SORD: variants seen among roughly 807,000 people sequenced by gnomAD.
SORD encodes sorbitol dehydrogenase, also known as (R,R)-butanediol dehydrogenase.
Under a neutral mutation model 35.6 loss-of-function variants are expected in SORD, and 18 were observed. That is an observed-to-expected ratio of 0.51 (90% CI 0.35 to 0.75). SORD has a LOEUF of 0.75. Among genes scored for constraint, SORD ranks in the 30% least tolerant of loss-of-function variants. The pLI is 0.01. For missense variants in SORD, 250 were observed against 390.2 expected (o/e 0.64, Z 3.03); for synonymous variants, 106 against 152.9 (o/e 0.69, Z 2.26).
chr15:45,050,992 A>C (rs1437180154), intron 3 of SORD, among the ~76,000 whole-genome samples: 1 of 152,214 alleles, frequency 6.6e-6, no homozygotes, highest in African/African-American at 2.4e-5. Context: ...TCAGTTCTTC[A>C]TGAGTCCTAT....
rs576401172 is a variant in SORD at position 45,032,427 on chromosome 15, C to T, written c.67-7981C>T. Among the ~76,000 whole-genome samples, 61 of 152,086 alleles carry T rather than the reference C, an allele frequency of 4.0e-4. 1 individual carries two copies. Among genetic ancestry groups the T allele is most frequent in the African/African-American group, 1.4e-3 (60 of 41,502 alleles). On this transcript the variant is annotated intron_variant, in intron 1 of 8. Coordinates refer to ENST00000267814, the MANE Select transcript of SORD (RefSeq NM_003104.6). ...AGCCCTACCTGGATGTCCCAAGACA[C>T]CTCAGTCCCAGCATGTCCAAACCTA...
In SORD at chr15:45,061,064, C is replaced by T. The variant is rs1300475158; in HGVS notation, c.266-3C>T. The T allele has an allele frequency of 6.2e-7, 1 of 1,614,116 alleles. No individual in the cohort carries two copies. The highest frequency in any genetic ancestry group is 2.2e-5 in the East Asian group (1 of 44,884). On this transcript the variant is annotated splice_region_variant and splice_polypyrimidine_tract_variant and intron_variant, in intron 3 of 8. Coordinates refer to ENST00000267814, the MANE Select transcript of SORD (RefSeq NM_003104.6). Reference sequence around the variant, plus strand: ...ATGGTGCCATCTTTGTTTTCCTCTCCAGGTGATCGTGTTGCCATCGAGCCT... The same window carrying T: ...ATGGTGCCATCTTTGTTTTCCTCTCTAGGTGATCGTGTTGCCATCGAGCCT...
intron 1 of SORD, among the ~76,000 whole-genome samples, chr15:45,038,132 C>CTTCCTTCT (rs1310051176): frequency 2.4e-5 from 1 of 42,270 alleles, no homozygotes; most frequent in African/African-American, 3.3e-4. Flanking sequence ...TCCTCCCTTC[C>CTTCCTTCT]TTCCTTCCTT....
chr15:45,061,555 C>A (rs1246689716), intron 4 of SORD, among the ~76,000 whole-genome samples: 1 of 152,068 alleles, frequency 6.6e-6, no homozygotes, highest in Non-Finnish European at 1.5e-5. Flanking sequence ...TCCACTGCAA[C>A]CACCAGAAAC....
chr15:45,053,653 TA>T lies in SORD; in HGVS notation c.266-7413del, dbSNP rs1893165326. 2.6e-5 allele frequency among the ~76,000 whole-genome samples: 4 copies of T among 152,136 alleles called. No homozygotes were observed. The South Asian group carries it at 8.3e-4, about 32-fold the overall frequency. On this transcript the variant is annotated intron_variant, in intron 3 of 8. Coordinates refer to ENST00000267814, the MANE Select transcript of SORD (RefSeq NM_003104.6). ...CTTTAAATTTTTTATTTTATTTTATTATTATTATACTTTAAGTTTTAGGGTA... is the reference window on the plus strand; with the variant it reads ...CTTTAAATTTTTTATTTTATTTTATTTTATTATACTTTAAGTTTTAGGGTA...
At chr15:45,029,246 A>G (rs1045282671) in intron 1 of SORD, among the ~76,000 whole-genome samples, 1 of 152,284 alleles carries the variant, frequency 6.6e-6, no homozygotes, top group Non-Finnish European at 1.5e-5. Context: ...TAAATCCAGT[A>G]AACACTCCCA....
Position 45,074,489 on chromosome 15 carries a change from G to C in SORD, c.*959G>C, listed in dbSNP as rs570717042. 1 of 148,088 alleles carries C rather than the reference G, an allele frequency of 6.8e-6. No homozygotes were observed. Among genetic ancestry groups the C allele is most frequent in the Non-Finnish European group, 1.5e-5 (1 of 67,726 alleles). The allele number at this position is 148,088 out of a possible 1,614,324, so 9.2% of individuals were successfully genotyped here. On this transcript the variant is annotated 3_prime_UTR_variant, in exon 9 of 9. Transcript: ENST00000267814. ...TTATTAGACAATTCCATTTCTTTCT[G>C]GTTATTATAAACAGAAAATCTTTCC...
chr15:45,036,415 G>C (rs1209311750), intron 1 of SORD: 1 of 453,406 alleles, frequency 2.2e-6, no homozygotes, highest in Non-Finnish European at 4.4e-6. Context: ...AATTCGGCCA[G>C]GCACAGTGGC....
In SORD at chr15:45,067,398, A is replaced by G. The variant is rs190117655; in HGVS notation, c.545-783A>G. Among the ~76,000 whole-genome samples, 8 of 152,304 alleles carry G rather than the reference A, an allele frequency of 5.3e-5. No individual in the cohort carries two copies. In the East Asian group the frequency reaches 1.5e-3, roughly 29 times the overall value. ...TGAACATTTTTCCATGTCAATAGAT[A>G]AAGAGTTATGGCGTAATTTTTAGTA... On this transcript the variant is annotated intron_variant, in intron 5 of 8. Transcript: ENST00000267814.
At chr15:45,030,218 A>G (rs1892753525) in intron 1 of SORD, among the ~76,000 whole-genome samples, 1 of 152,242 alleles carries the variant, frequency 6.6e-6, no homozygotes, top group African/African-American at 2.4e-5. Flanking sequence ...TCCTTTTGCT[A>G]TCAAAAGCAG....
chr15:45,039,946 T>A (rs1484998398), intron 1 of SORD, among the ~76,000 whole-genome samples: 1 of 152,118 alleles, frequency 6.6e-6, no homozygotes, highest in Non-Finnish European at 1.5e-5. Context: ...CTGCCTAGAG[T>A]TACATGGACT....
At chr15:45,066,313 AT>A (rs904929773) in intron 5 of SORD, among the ~76,000 whole-genome samples, 141 of 148,006 alleles carry the variant, frequency 9.5e-4, no homozygotes, top group African/African-American at 2.8e-3. Flanking sequence ...AACTAGGGAA[AT>A]TTTTTTTTTT....
In SORD at chr15:45,061,011, C is replaced by T. The variant is rs2467846; in HGVS notation, c.266-56C>T. 8.0e-5 allele frequency: 128 copies of T among 1,607,030 alleles called. No homozygotes were observed. The East Asian group carries it at 8.3e-4, about 10-fold the overall frequency. ...GAAAACAAAGAACCAGACCAAAGAG[C>T]GGGCAGACTCTGCTCCCACCCTCGG... is the stretch of plus-strand genomic sequence containing the variant. On this transcript the variant is annotated intron_variant, in intron 3 of 8. Transcript: ENST00000267814.
At chr15:45,050,830 AAGCTGTAGAT>A (rs1347536643) in intron 3 of SORD, among the ~76,000 whole-genome samples, 2 of 152,246 alleles carry the variant, frequency 1.3e-5, no homozygotes, top group South Asian at 4.1e-4. Context: ...GAATTGTTAA[AAGCTGTAGAT>A]AGCTCAAAAG....
intron 1 of SORD, among the ~76,000 whole-genome samples, chr15:45,039,343 G>T (rs1471203082): frequency 6.6e-6 from 1 of 152,178 alleles, no homozygotes; most frequent in African/African-American, 2.4e-5. Flanking sequence ...GGCCAGGCTG[G>T]TCTCAAACTC....
chr15:45,027,386 C>G (rs987639995), intron 1 of SORD, among the ~76,000 whole-genome samples: 7 of 152,226 alleles, frequency 4.6e-5, no homozygotes, highest in Admixed American at 2.6e-4. Flanking sequence ...TCAACTTCCC[C>G]GTGAAATGGG....
At position 45,068,236 on chromosome 15, in the gene SORD, A is replaced by T. The variant is rs1595509056; in HGVS notation, c.600A>T (p.Val200=). The change falls in exon 6 of 9, where the codon GTA becomes GTT. Residue 200 remains valine (V), a synonymous_variant. Transcript: ENST00000267814. The part of the protein sequence containing the change: ...LVAKAMGAAQ[V]VVTDLSATRL... ...CCAAAGCAATGGGAGCAGCTCAAGT[A>T]GTGGTGACTGGTAAGACTTTGTTCT... 6.2e-7 allele frequency: 1 copy of T among 1,612,638 alleles called. No individual in the cohort carries two copies. Among genetic ancestry groups the T allele is most frequent in the Non-Finnish European group, 8.5e-7 (1 of 1,178,634 alleles).
At chr15:45,066,571 T>C (rs1893408304) in intron 5 of SORD, among the ~76,000 whole-genome samples, 1 of 152,174 alleles carries the variant, frequency 6.6e-6, no homozygotes, top group African/African-American at 2.4e-5. Context: ...GCAATCTGCC[T>C]GCAGTAGGGC....
intron 3 of SORD, among the ~76,000 whole-genome samples, chr15:45,045,544 C>CA (rs58487905): frequency 2.7e-4 from 17 of 62,806 alleles, no homozygotes; most frequent in South Asian, 1.3e-3. Context: ...GACTCCATCT[C>CA]AAAAAAAAAA....
Sources: gnomAD v4.1 joint callset for allele counts (sites outside exome capture counted in the v4.1 genomes callset) on GRCh38, gnomAD v4.1.1 for gene constraint, MANE v1.5 for transcripts, NCBI Gene and HGNC (gene_info 2026-07-23, HGNC 2026-07-21) for gene names.